Variants in NPY1R observed in about 807,000 individuals in gnomAD.
NPY1R encodes the protein neuropeptide Y receptor type 1.
NPY1R carries 10 observed loss-of-function variants against 24.1 expected under a neutral mutation model. That is an observed-to-expected ratio of 0.42 (90% CI 0.26 to 0.71). NPY1R has a LOEUF of 0.71. NPY1R is among the 30% of genes least tolerant of loss of function. The pLI is 0.28. For synonymous variants in NPY1R, 168 were observed against 165.9 expected (o/e 1.01, Z -0.10); for missense variants, 350 against 458.0 (o/e 0.76, Z 2.15).
At chr4:163,334,730 C>G (rs976827377), upstream of NPY1R, among the ~76,000 whole-genome samples, 9 of 151,738 alleles carry the variant, frequency 5.9e-5, no homozygotes, top group African/African-American at 2.2e-4. Context: ...TGTGGTGGTG[C>G]GCATCTGTAA....
chr4:163,335,074 G>A (rs577749804), upstream of NPY1R, among the ~76,000 whole-genome samples: 98 of 152,132 alleles, frequency 6.4e-4, no homozygotes, highest in South Asian at 4.8e-3. Flanking sequence ...ACTTATTAAA[G>A]AGTTTCCTCA....
intron 1 of NPY1R, among the ~76,000 whole-genome samples, chr4:163,330,265 C>T (rs1337763715): frequency 6.6e-6 from 1 of 152,214 alleles, no homozygotes; most frequent in East Asian, 1.9e-4. Context: ...GGTAAACGTA[C>T]TGAAGCTCTA....
chr4:163,340,237 T>C (rs1734946510), intron 1 of NPY1R, among the ~76,000 whole-genome samples: 2 of 152,078 alleles, frequency 1.3e-5, no homozygotes, highest in East Asian at 1.9e-4. Flanking sequence ...AAGGAAATAA[T>C]TGTATGGCCT....
chr4:163,324,576 T>G lies in NPY1R; in HGVS notation c.*727A>C, dbSNP rs1734561260. The G allele has an allele frequency of 6.6e-6, 1 of 152,146 alleles. No homozygotes were observed. Among genetic ancestry groups the G allele is most frequent in the African/African-American group, 2.4e-5 (1 of 41,438 alleles). The allele number at this position is 152,146 out of a possible 1,614,324, so 9.4% of individuals were successfully genotyped here. A position where few individuals can be genotyped will look rare whatever the true frequency, so the allele number is the denominator to read the frequency against. On this transcript the variant is annotated 3_prime_UTR_variant, in exon 3 of 3. Coordinates refer to ENST00000296533, the MANE Select transcript of NPY1R (RefSeq NM_000909.6). ...ACTCTAAAATGCTCTTGTTGTCAGG[T>G]ACCAAAATGGTTTTGAAGTTAGGGA...
At chr4:163,328,548 C>G (rs1030918025) in intron 1 of NPY1R, among the ~76,000 whole-genome samples, 1 of 152,088 alleles carries the variant, frequency 6.6e-6, no homozygotes, top group African/African-American at 2.4e-5. Flanking sequence ...ATCCTTGTCA[C>G]CAAGTACCAA....
At position 163,325,227 on chromosome 4, in the gene NPY1R, C is replaced by A. The variant is rs1277969937; in HGVS notation, c.*76G>T. On this transcript the variant is annotated 3_prime_UTR_variant, in exon 3 of 3. Coordinates refer to ENST00000296533, the MANE Select transcript of NPY1R (RefSeq NM_000909.6). ...ATTTCAACCCCATTCCTTGGGAGAA[C>A]AGGTAATCAAAGTATGTTGCAGGTT... is the stretch of plus-strand genomic sequence containing the variant. The A allele has an allele frequency of 9.9e-6, 10 of 1,013,998 alleles. No homozygotes were observed. Among genetic ancestry groups the A allele is most frequent in the Non-Finnish European group, 3.0e-6 (2 of 677,866 alleles). 62.8% of individuals were successfully genotyped at this position (1,013,998 alleles called of 1,614,324 possible). A position where few individuals can be genotyped will look rare whatever the true frequency, so the allele number is the denominator to read the frequency against.
intron 1 of NPY1R, among the ~76,000 whole-genome samples, chr4:163,328,691 A>C (rs1734662492): frequency 6.6e-6 from 1 of 152,172 alleles, no homozygotes. Context: ...ATGTGAATAC[A>C]CTGCTCTAGG....
upstream of NPY1R, among the ~76,000 whole-genome samples, chr4:163,333,976 A>G (rs908405605): frequency 6.6e-6 from 1 of 152,138 alleles, no homozygotes; most frequent in African/African-American, 2.4e-5. Context: ...TAAAATGACA[A>G]CAGATTCATT....
At chr4:163,339,231 G>T (rs1336482416) in intron 1 of NPY1R, among the ~76,000 whole-genome samples, 1 of 152,086 alleles carries the variant, frequency 6.6e-6, no homozygotes, top group Non-Finnish European at 1.5e-5. Flanking sequence ...TCACCTTCAT[G>T]CTATTACAAC....
chr4:163,333,018 T>A (rs1734767317), upstream of NPY1R: 3 of 151,146 alleles, frequency 2.0e-5, no homozygotes. Flanking sequence ...GCCACAATAA[T>A]GGCACTAATA....
intron 1 of NPY1R, among the ~76,000 whole-genome samples, chr4:163,328,087 G>GGTTTTTTTTT: frequency 1.7e-5 from 1 of 57,340 alleles, no homozygotes; most frequent in Non-Finnish European, 3.8e-5. Context: ...TAGAACATGA[G>GGTTTTTTTTT]TTTTTTTTTT....
intron 1 of NPY1R, among the ~76,000 whole-genome samples, chr4:163,330,529 TAA>T (rs1039194064): frequency 6.6e-6 from 1 of 152,214 alleles, no homozygotes; most frequent in African/African-American, 2.4e-5. Context: ...ATAACAATAC[TAA>T]GAGAGAATTT....
upstream of NPY1R, among the ~76,000 whole-genome samples, chr4:163,333,825 GTGTCAC>G (rs1430543193): frequency 1.3e-5 from 2 of 152,134 alleles, no homozygotes; most frequent in African/African-American, 4.8e-5. Context: ...TCCAAAATAT[GTGTCAC>G]TAGACATATT....
chr4:163,339,681 C>T (rs916407643), intron 1 of NPY1R, among the ~76,000 whole-genome samples: 23 of 152,176 alleles, frequency 1.5e-4, no homozygotes, highest in South Asian at 6.2e-4. Context: ...TCAGCATTTG[C>T]AGCTATGATG....
intron 1 of NPY1R, among the ~76,000 whole-genome samples, chr4:163,343,014 A>G (rs62333382): frequency 0.47 from 62,485 of 131,704 alleles, 14,675 homozygotes; most frequent in Middle Eastern, 0.62. Flanking sequence ...ACACACACAC[A>G]CACACGCGCG....
intron 1 of NPY1R, chr4:163,331,208 G>C (rs1236180748): frequency 6.5e-6 from 1 of 152,736 alleles, no homozygotes; most frequent in African/African-American, 2.4e-5. Context: ...TCCCCTGCCT[G>C]TGTGTGCCAT....
intron 1 of NPY1R, among the ~76,000 whole-genome samples, chr4:163,339,462 C>G (rs1734924172): frequency 6.6e-6 from 1 of 152,030 alleles, no homozygotes; most frequent in Non-Finnish European, 1.5e-5. Flanking sequence ...CTGCACATAT[C>G]TACAACTATA....
At position 163,324,464 on chromosome 4, in the gene NPY1R, A is replaced by C. The variant is rs1734558451; in HGVS notation, c.*839T>G. On this transcript the variant is annotated 3_prime_UTR_variant, in exon 3 of 3. Transcript: ENST00000296533. ...TTGACAAACACTGAACAGTCTGTAA[A>C]AAAAATGGAAAATCTCTTGACCATC... is the stretch of plus-strand genomic sequence containing the variant. 1 of 152,226 alleles carries C rather than the reference A, an allele frequency of 6.6e-6. No individual in the cohort carries two copies. The highest frequency in any genetic ancestry group is 6.5e-5 in the Admixed American group (1 of 15,280). 9.4% of individuals were successfully genotyped at this position (152,226 alleles called of 1,614,324 possible).
rs540697110 is a variant in NPY1R, at chr4:163,338,200, G to T, written c.-152+6105C>A. On this transcript the variant is annotated intron_variant, in intron 1 of 1. Transcript: ENST00000511901. ...TGGCCCATGGGTGATGGCCTAAAAT[G>T]GTCCCCATACTGTTTGCTTCTTCAC... Among the ~76,000 whole-genome samples the T allele has an allele frequency of 3.3e-5, 5 of 151,988 alleles. No individual in the cohort carries two copies. In the South Asian group the frequency reaches 8.3e-4, roughly 25 times the overall value.
Sources: allele counts gnomAD v4.1 joint callset (sites outside exome capture counted in the v4.1 genomes callset), GRCh38; gene constraint gnomAD v4.1.1; transcripts MANE v1.5; gene names NCBI Gene and HGNC (gene_info 2026-07-23, HGNC 2026-07-21).